The following RBM17 variants were observed in gnomAD, a reference collection of about 807,000 sequenced individuals.
RBM17 encodes the protein splicing factor 45.
RBM17 carries 7 observed loss-of-function variants against 53.2 expected under a neutral mutation model. The ratio of observed to expected loss-of-function variants is 0.13; its 90% CI spans 0.07 to 0.25. The LOEUF (loss-of-function observed/expected upper bound fraction) is 0.25, where lower values mean the gene tolerates loss of function less well. Among genes scored for constraint, RBM17 ranks in the 10% least tolerant of loss-of-function variants. The pLI, the probability that RBM17 is intolerant of heterozygous loss-of-function variation, is 1.00. For synonymous variants in RBM17, 167 were observed against 178.1 expected (o/e 0.94, Z 0.50); for missense variants, 257 against 496.7 (o/e 0.52, Z 4.59).
intron 8 of RBM17, chr10:6,113,233 T>G (rs912430285): frequency 1.6e-4 from 49 of 306,564 alleles, no homozygotes; most frequent in Admixed American, 1.2e-3. Flanking sequence ...CTGTCAGCCC[T>G]TTGGGAAGTG....
intron 1 of RBM17, among the ~76,000 whole-genome samples, chr10:6,092,273 TA>T (rs1236275335): frequency 5.3e-5 from 8 of 152,224 alleles, no homozygotes; most frequent in African/African-American, 1.4e-4. Context: ...TTATGTTGTC[TA>T]AGTAATAATG....
At chr10:6,097,241 T>C (rs1370464548) in intron 2 of RBM17, 53 bp downstream of exon 2, 12 of 1,581,688 alleles carry the variant, frequency 7.6e-6, no homozygotes, top group Non-Finnish European at 9.5e-6. Flanking sequence ...GGGTTCCTCA[T>C]TAGGATGACA....
At chr10:6,107,853 A>G (rs1370932466) in intron 5 of RBM17, among the ~76,000 whole-genome samples, 1 of 152,022 alleles carries the variant, frequency 6.6e-6, no homozygotes, top group Non-Finnish European at 1.5e-5. Flanking sequence ...AAAGTTTTAC[A>G]TTTTGTTTTT....
At chr10:6,115,037 C>T (rs952020081) in intron 10 of RBM17, 8 of 572,258 alleles carry the variant, frequency 1.4e-5, no homozygotes, top group Non-Finnish European at 2.1e-5. Flanking sequence ...GTTCCTGGCA[C>T]CTAACAATGC....
chr10:6,094,042 T>C (rs1012548093), intron 1 of RBM17, among the ~76,000 whole-genome samples: 1 of 150,742 alleles, frequency 6.6e-6, no homozygotes, highest in Non-Finnish European at 1.5e-5. Flanking sequence ...TGGTGCAATC[T>C]TGGCTCACCG....
rs1840932102 is a variant in RBM17 at position 6,117,098 on chromosome 10, A to G, written c.*1542A>G. The G allele has an allele frequency of 6.9e-6, 1 of 145,058 alleles. No homozygotes were observed. Among genetic ancestry groups the G allele is most frequent in the Admixed American group, 7.1e-5 (1 of 13,988 alleles). The allele number at this position is 145,058 out of a possible 1,614,324, so 9.0% of individuals were successfully genotyped here. On this transcript the variant is annotated 3_prime_UTR_variant, in exon 12 of 12. Coordinates refer to ENST00000379888, the MANE Select transcript of RBM17 (RefSeq NM_032905.5). ...AATGGTTCCAACCCACCTTTCATGC[A>G]TGCATTTATTGTTGTTATGCTTTGT...
rs143117642 is a variant in RBM17, at chr10:6,089,281, G to A, written c.-19+88G>A. The A allele has an allele frequency of 0.018, 2,749 of 152,090 alleles. 44 individuals carry two copies. The highest frequency in any genetic ancestry group is 0.03 in the South Asian group (146 of 4,832). The allele number at this position is 152,090 out of a possible 1,614,324, so 9.4% of individuals were successfully genotyped here. A position where few individuals can be genotyped will look rare whatever the true frequency, so the allele number is the denominator to read the frequency against. ...CCCGGGAGGCGCTAGACGCAAGCCC[G>A]CGGCTTTAGGCCCGTCGCGAGGGGC... is the stretch of plus-strand genomic sequence containing the variant. On this transcript the variant is annotated intron_variant, in intron 1 of 11. Transcript: ENST00000379888. This position sits in a 1 kb window ranked among gnomAD's most constrained non-coding sequence, Gnocchi z 5.6.
At chr10:6,106,055 T>C in intron 4 of RBM17, 86 bp from the exon 5 acceptor site, 1 of 866,500 alleles carries the variant, frequency 1.2e-6, no homozygotes, top group East Asian at 2.6e-5. Context: ...GATTTGGATA[T>C]CTTCTGGTCA....
intron 3 of RBM17, among the ~76,000 whole-genome samples, chr10:6,102,610 T>G (rs1840684112): frequency 6.6e-6 from 1 of 152,202 alleles, no homozygotes; most frequent in African/African-American, 2.4e-5. Context: ...GTGTATTGGT[T>G]CTAGTACCTA....
At position 6,115,812 on chromosome 10, in the gene RBM17, ATT is replaced by A. The variant is rs1840906122; in HGVS notation, c.*261_*262del. The A allele has an allele frequency of 3.5e-6, 1 of 285,226 alleles. No homozygotes were observed. Among genetic ancestry groups the A allele is most frequent in the South Asian group, 1.6e-4 (1 of 6,262 alleles). The allele number at this position is 285,226 out of a possible 1,614,324, so 17.7% of individuals were successfully genotyped here. A position where few individuals can be genotyped will look rare whatever the true frequency, so the allele number is the denominator to read the frequency against. ...TTATTATTACTCCTGAGTTGATGAC[ATT>A]TTTTGTTAGATTTCATGGTAATTCT... On this transcript the variant is annotated 3_prime_UTR_variant, in exon 12 of 12. Transcript: ENST00000379888.
chr10:6,093,423 A>T (rs4436455), intron 1 of RBM17, among the ~76,000 whole-genome samples: 80,201 of 151,914 alleles, frequency 0.53, 21,632 homozygotes, highest in African/African-American at 0.6. Flanking sequence ...TTCACCACGT[A>T]GGCCAGGCTG....
intron 5 of RBM17, among the ~76,000 whole-genome samples, chr10:6,107,787 A>C (rs1317527785): frequency 1.3e-5 from 2 of 152,052 alleles, no homozygotes; most frequent in Non-Finnish European, 2.9e-5. Context: ...CAGCCAGAAT[A>C]ATTTCTTTTG....
rs969028138 is a variant in RBM17 at position 6,116,671 on chromosome 10, C to G, written c.*1115C>G. Reference sequence around the variant, plus strand: ...AAGCGGCAGCTGAAAGACTCGAGCCCGTGCTGTCTCCTTTGGTTATTATGA... The same window carrying G: ...AAGCGGCAGCTGAAAGACTCGAGCCGGTGCTGTCTCCTTTGGTTATTATGA... On this transcript the variant is annotated 3_prime_UTR_variant, in exon 12 of 12. Coordinates refer to ENST00000379888, the MANE Select transcript of RBM17 (RefSeq NM_032905.5). 1 of 152,292 alleles carries G rather than the reference C, an allele frequency of 6.6e-6. No individual in the cohort carries two copies. The highest frequency in any genetic ancestry group is 2.4e-5 in the African/African-American group (1 of 41,420). The allele number at this position is 152,292 out of a possible 1,614,324, so 9.4% of individuals were successfully genotyped here.
chr10:6,098,790 C>T (rs1213408585), intron 2 of RBM17, among the ~76,000 whole-genome samples: 2 of 151,966 alleles, frequency 1.3e-5, no homozygotes, highest in Admixed American at 6.6e-5. Context: ...CCTCGTGATC[C>T]GCCTGCCTTG....
chr10:6,094,833 A>C (rs1840548560), intron 1 of RBM17, among the ~76,000 whole-genome samples: 2 of 152,250 alleles, frequency 1.3e-5, no homozygotes, highest in South Asian at 4.1e-4. Context: ...ATTGGCCAGA[A>C]ATTTCTAATT....
chr10:6,101,231 T>G, intron 2 of RBM17, 40 bp from the exon 3 acceptor site: 1 of 1,341,976 alleles, frequency 7.5e-7, no homozygotes, highest in South Asian at 1.3e-5. Context: ...AATTTTAATT[T>G]GAAACTTCAG....
At chr10:6,104,852 C>A in intron 3 of RBM17, 79 bp from the exon 4 acceptor site, 1 of 1,216,862 alleles carries the variant, frequency 8.2e-7, no homozygotes, top group Non-Finnish European at 1.2e-6. Context: ...TTTTATCTCC[C>A]ATACGCTTTG....
In RBM17 at chr10:6,115,268, A is replaced by G. The variant is rs776136842; in HGVS notation, c.1059A>G (p.Val353=). 6.2e-7 allele frequency: 1 copy of G among 1,613,918 alleles called. No homozygotes were observed. The highest frequency in any genetic ancestry group is 1.1e-5 in the South Asian group (1 of 91,036). Residue 353 remains valine (V), a synonymous_variant, in exon 11 of 12, where the codon GTA becomes GTG. Coordinates refer to ENST00000379888, the MANE Select transcript of RBM17 (RefSeq NM_032905.5). ...EIPGAPDDEA[V]RIFLEFERVE... ...CTGGTGCCCCTGATGATGAAGCAGT[A>G]CGGATATTTTTAGAATTTGAGAGAG... is the stretch of plus-strand genomic sequence containing the variant.
chr10:6,103,238 G>C (rs1275569937), intron 3 of RBM17, among the ~76,000 whole-genome samples: 1 of 152,092 alleles, frequency 6.6e-6, no homozygotes, highest in Non-Finnish European at 1.5e-5. Context: ...TATCACCTCA[G>C]GCATATGAGG....
Sources: allele counts gnomAD v4.1 joint callset (sites outside exome capture counted in the v4.1 genomes callset), GRCh38; gene constraint gnomAD v4.1.1; non-coding constraint Gnocchi (gnomAD v3.1); transcripts MANE v1.5; gene names NCBI Gene and HGNC (gene_info 2026-07-23, HGNC 2026-07-21).